The following XKR9 variants were observed in gnomAD, a reference collection of about 807,000 sequenced individuals.
XKR9 encodes the protein XK related 9, also known as XK-related protein 9.
In XKR9, 32 loss-of-function variants were observed where a neutral mutation model predicts 32.0. The observed-to-expected ratio is 1.00, with a 90% CI of 0.76 to 1.34. The LOEUF (loss-of-function observed/expected upper bound fraction) is 1.34. XKR9 is among the 40% of genes most tolerant of loss of function. The pLI is 0.00. For synonymous variants in XKR9, 168 were observed against 143.4 expected, an observed-to-expected ratio of 1.17 and a Z score of -1.22; for missense variants, 546 against 429.7, an observed-to-expected ratio of 1.27 and a Z score of -2.39.
At chr8:70,943,990 A>G in the XKR9 span, among the ~76,000 whole-genome samples, 6 of 152,158 alleles carry the variant, frequency 3.9e-5, no homozygotes, top group African/African-American at 1.2e-4. Context: ...GTAGTTTCTC[A>G]AAAGAAGAAA....
At chr8:70,853,257 A>C in the XKR9 span, among the ~76,000 whole-genome samples, 3 of 152,080 alleles carry the variant, frequency 2.0e-5, no homozygotes, top group Non-Finnish European at 4.4e-5. Context: ...TGGGAATGGC[A>C]GTGAGGCGTG....
chr8:70,997,335 A>T, the XKR9 span, among the ~76,000 whole-genome samples: 1 of 151,714 alleles, frequency 6.6e-6, no homozygotes, highest in Non-Finnish European at 1.5e-5. Context: ...ACCCCCCCGC[A>T]CAAGTTTACC....
chr8:70,856,390 T>C, the XKR9 span, among the ~76,000 whole-genome samples: 5 of 152,116 alleles, frequency 3.3e-5, no homozygotes, highest in Admixed American at 6.6e-5. Flanking sequence ...CATTACATAA[T>C]GGTAAAGGGA....
chr8:70,760,830 C>G (rs182364913), intron 2 of XKR9, among the ~76,000 whole-genome samples: 1 of 152,198 alleles, frequency 6.6e-6, no homozygotes, highest in African/African-American at 2.4e-5. Flanking sequence ...AGCCTAGTAT[C>G]CATTGGTTAT....
chr8:70,888,881 G>A, the XKR9 span, among the ~76,000 whole-genome samples: 1 of 151,894 alleles, frequency 6.6e-6, no homozygotes. Context: ...TTGAGATCTG[G>A]TATGTGATTC....
At chr8:70,870,826 C>A in the XKR9 span, among the ~76,000 whole-genome samples, 9 of 152,108 alleles carry the variant, frequency 5.9e-5, no homozygotes, top group Non-Finnish European at 1.3e-4. Flanking sequence ...TTCAGTGGAA[C>A]TTGAACCATG....
At chr8:71,003,966 G>C in the XKR9 span, among the ~76,000 whole-genome samples, 1 of 152,172 alleles carries the variant, frequency 6.6e-6, no homozygotes. Context: ...ATGTGGTTTT[G>C]AAGTATGACA....
chr8:70,802,384 G>C, the XKR9 span, among the ~76,000 whole-genome samples: 6 of 152,174 alleles, frequency 3.9e-5, no homozygotes, highest in Non-Finnish European at 8.8e-5. Flanking sequence ...TGCATGTGGA[G>C]TGGGTCTCCT....
chr8:70,985,519 A>C, the XKR9 span, among the ~76,000 whole-genome samples: 1 of 152,184 alleles, frequency 6.6e-6, no homozygotes, highest in South Asian at 2.1e-4. Context: ...CTAAGTTTTT[A>C]TTATCATAAA....
intron 4 of XKR9, among the ~76,000 whole-genome samples, chr8:70,722,045 T>C (rs1806299630): frequency 6.6e-6 from 1 of 152,208 alleles, no homozygotes; most frequent in African/African-American, 2.4e-5. Context: ...CCTTTACCAA[T>C]ATGTAATGCC....
At chr8:70,878,916 C>T in the XKR9 span, among the ~76,000 whole-genome samples, 1 of 152,132 alleles carries the variant, frequency 6.6e-6, no homozygotes, top group Non-Finnish European at 1.5e-5. Context: ...TAAAGCACTC[C>T]TCAGCAAATG....
the XKR9 span, among the ~76,000 whole-genome samples, chr8:71,034,139 A>T: frequency 6.6e-6 from 1 of 152,126 alleles, no homozygotes; most frequent in Non-Finnish European, 1.5e-5. Context: ...CTGTGTCTCC[A>T]CCCAAATCTT....
the XKR9 span, among the ~76,000 whole-genome samples, chr8:70,932,067 T>C: frequency 6.6e-6 from 1 of 152,258 alleles, no homozygotes; most frequent in Non-Finnish European, 1.5e-5. Context: ...TTCAATACAT[T>C]TGTTGAGGAC....
At chr8:70,963,119 C>T in the XKR9 span, among the ~76,000 whole-genome samples, 2 of 152,160 alleles carry the variant, frequency 1.3e-5, no homozygotes, top group African/African-American at 4.8e-5. Context: ...CCCCCTTCCC[C>T]CAGTCCCCAC....
downstream of XKR9, among the ~76,000 whole-genome samples, chr8:70,738,932 G>A (rs936929527): frequency 8.5e-5 from 13 of 152,108 alleles, no homozygotes; most frequent in South Asian, 2.1e-4. Flanking sequence ...GGTACTGAAA[G>A]AAATGTATAT....
At chr8:70,845,516 C>T in the XKR9 span, among the ~76,000 whole-genome samples, 1 of 151,942 alleles carries the variant, frequency 6.6e-6, no homozygotes, top group Non-Finnish European at 1.5e-5. Flanking sequence ...CACAAGAGAA[C>T]ACAGATAAAC....
the XKR9 span, among the ~76,000 whole-genome samples, chr8:70,877,142 G>A: frequency 6.6e-6 from 1 of 152,100 alleles, no homozygotes; most frequent in East Asian, 1.9e-4. Context: ...GAGAATGAGA[G>A]TGGATCTGAA....
At chr8:70,967,750 T>G in the XKR9 span, among the ~76,000 whole-genome samples, 1 of 152,140 alleles carries the variant, frequency 6.6e-6, no homozygotes, top group Non-Finnish European at 1.5e-5. Context: ...TTTAAGAATG[T>G]TGAATATTGG....
At chr8:70,684,649 A>G (rs1395160074) in intron 3 of XKR9, among the ~76,000 whole-genome samples, 2 of 151,338 alleles carry the variant, frequency 1.3e-5, no homozygotes, top group Non-Finnish European at 2.9e-5. Flanking sequence ...AATTTACAAG[A>G]AAAAAACAAA....
Sources: gnomAD v4.1 joint callset for allele counts (sites outside exome capture counted in the v4.1 genomes callset) on GRCh38, gnomAD v4.1.1 for gene constraint, MANE v1.5 for transcripts, NCBI Gene and HGNC (gene_info 2026-07-23, HGNC 2026-07-21) for gene names.